The following RTN4 variants were observed in gnomAD, a reference collection of about 807,000 sequenced individuals.
RTN4 encodes the protein reticulon-4.
RTN4 carries 32 observed loss-of-function variants against 90.4 expected under a neutral mutation model. That is an observed-to-expected ratio of 0.35 (90% CI 0.27 to 0.48). RTN4 has a LOEUF of 0.48. RTN4 is among the 20% of genes least tolerant of loss of function. RTN4 has a pLI of 0.99. For synonymous variants in RTN4, 629 were observed against 552.5 expected (o/e 1.14, Z -1.94); for missense variants, 1,706 against 1,430.2 (o/e 1.19, Z -3.11).
chr2:54,987,785 ATAAAG>A, intron 3 of RTN4, 87 bp from the exon 4 acceptor site: 3 of 1,017,850 alleles, frequency 2.9e-6, no homozygotes, highest in Non-Finnish European at 4.4e-6. Context: ...ACGCTACTAC[ATAAAG>A]TAAAATCAAA....
intron 1 of RTN4, among the ~76,000 whole-genome samples, chr2:55,108,820 T>C (rs1667988554): frequency 6.6e-6 from 1 of 152,124 alleles, no homozygotes; most frequent in African/African-American, 2.4e-5. Context: ...CCAATTTCTA[T>C]GACTAAAATC....
At chr2:55,116,927 G>A (rs1475143599), upstream of RTN4, among the ~76,000 whole-genome samples, 1 of 136,842 alleles carries the variant, frequency 7.3e-6, no homozygotes, top group Non-Finnish European at 1.5e-5. Context: ...AGGCTGGAGT[G>A]CAGTGGTGCA....
chr2:54,980,318 C>G (rs1284359049), intron 5 of RTN4, among the ~76,000 whole-genome samples: 1 of 152,134 alleles, frequency 6.6e-6, no homozygotes, highest in Non-Finnish European at 1.5e-5. Flanking sequence ...CAGCCCCTTT[C>G]TAACATTTTC....
At chr2:55,053,293 T>TAACA (rs1054280922), upstream of RTN4, among the ~76,000 whole-genome samples, 1 of 152,204 alleles carries the variant, frequency 6.6e-6, no homozygotes, top group Non-Finnish European at 1.5e-5. Flanking sequence ...TCACTATCAC[T>TAACA]AACAAAATTC....
chr2:55,082,322 A>G (rs1668736515), intron 1 of RTN4, among the ~76,000 whole-genome samples: 1 of 152,192 alleles, frequency 6.6e-6, no homozygotes, highest in Non-Finnish European at 1.5e-5. Context: ...GTACTCAGAG[A>G]TTATATCACA....
rs200830017 is a variant in RTN4 at position 55,026,342 on chromosome 2, A to G, written c.1757T>C (p.Met586Thr). 1 of 1,613,866 alleles carries G rather than the reference A, an allele frequency of 6.2e-7. No individual in the cohort carries two copies. The highest frequency in any genetic ancestry group is 1.7e-5 in the Admixed American group (1 of 59,952). ...TGCTGCAGGATAGAGTGACTCTTGCATAACTTCTGATGTTTGAACCAAGTC... is the reference window on the plus strand; with the variant it reads ...TGCTGCAGGATAGAGTGACTCTTGCGTAACTTCTGATGTTTGAACCAAGTC... ...KMDLVQTSEV[M>T]QESLYPAAQL... Residue 586 changes from methionine (M) to threonine (T), a missense_variant, in exon 3 of 9, where the codon ATG (methionine) becomes ACG (threonine). By Grantham distance (81) the Met-to-Thr change is moderately conservative. Coordinates refer to ENST00000337526, the MANE Select transcript of RTN4 (RefSeq NM_020532.5).
rs1282710535 is a variant in RTN4, at chr2:55,025,263, A to G, written c.2836T>C (p.Ser946Pro). Residue 946 changes from serine (S) to proline (P), a missense_variant, in exon 3 of 9, where the codon TCA becomes CCA. Transcript: ENST00000337526. ...DDFSKNGSAT[S>P]KVLLLPPDVS... Reference sequence around the variant, plus strand: ...TCTGGAGGCAATAAGAGCACCTTTGATGTAGCAGACCCATTTTTAGAAAAG... The same window carrying G: ...TCTGGAGGCAATAAGAGCACCTTTGGTGTAGCAGACCCATTTTTAGAAAAG... The G allele has an allele frequency of 1.9e-6, 3 of 1,613,754 alleles. No individual in the cohort carries two copies. In the African/African-American group the frequency reaches 4.0e-5, roughly 22 times the overall value.
chr2:55,064,540 G>T (rs926196042), intron 2 of RTN4, among the ~76,000 whole-genome samples: 1 of 151,966 alleles, frequency 6.6e-6, no homozygotes, highest in African/African-American at 2.4e-5. Flanking sequence ...TAGCAGAGAT[G>T]GGGTTTCACC....
intron 3 of RTN4, chr2:55,014,541 C>T (rs1163471460): frequency 6.8e-6 from 1 of 147,222 alleles, no homozygotes; most frequent in African/African-American, 2.5e-5. Context: ...TTTTTGGAGA[C>T]AGAGTCTCGC....
At position 54,987,560 on chromosome 2, in the gene RTN4, G is replaced by C. The variant is rs1197407304; in HGVS notation, c.3152C>G (p.Thr1051Ser). ...ACCCTTGTATATCCTAAAGCTGATGGTCACAGAGAGCAGGGCCAAGGCAAT... is the reference window on the plus strand; with the variant it reads ...ACCCTTGTATATCCTAAAGCTGATGCTCACAGAGAGCAGGGCCAAGGCAAT... The part of the protein sequence containing the change: ...AYIALALLSV[T>S]ISFRIYKGVI... The change falls in exon 4 of 9, where the codon ACC (threonine) becomes AGC (serine). Residue 1051 changes from threonine (T) to serine (S), a missense_variant. By Grantham distance (58) the Thr-to-Ser change is moderately conservative. Coordinates refer to ENST00000337526, the MANE Select transcript of RTN4 (RefSeq NM_020532.5). 2 of 1,614,034 alleles carry C rather than the reference G, an allele frequency of 1.2e-6. No individual in the cohort carries two copies. The highest frequency in any genetic ancestry group is 1.7e-6 in the Non-Finnish European group (2 of 1,180,030).
At chr2:55,058,889 TAGAG>T (rs1244061173) in intron 2 of RTN4, among the ~76,000 whole-genome samples, 1 of 152,002 alleles carries the variant, frequency 6.6e-6, no homozygotes, top group Non-Finnish European at 1.5e-5. Flanking sequence ...ATTATAATAA[TAGAG>T]AGGAGGGTCT....
chr2:55,090,439 G>C (rs1668916088), intron 1 of RTN4, among the ~76,000 whole-genome samples: 1 of 152,194 alleles, frequency 6.6e-6, no homozygotes, highest in Non-Finnish European at 1.5e-5. Context: ...TAGAGAAAGT[G>C]GCTGAATTTC....
intron 2 of RTN4, among the ~76,000 whole-genome samples, chr2:55,059,477 C>A (rs1047434614): frequency 6.6e-6 from 1 of 152,046 alleles, no homozygotes; most frequent in African/African-American, 2.4e-5. Context: ...CCTCAGCCTC[C>A]GGAGTAGATG....
chr2:55,007,155 T>G (rs1680286992), intron 3 of RTN4, among the ~76,000 whole-genome samples: 1 of 152,156 alleles, frequency 6.6e-6, no homozygotes, highest in Admixed American at 6.6e-5. Flanking sequence ...TGTTGCCCCT[T>G]GAGTCTTTAC....
chr2:55,087,425 A>G (rs1668861468), intron 1 of RTN4, among the ~76,000 whole-genome samples: 1 of 152,196 alleles, frequency 6.6e-6, no homozygotes, highest in Non-Finnish European at 1.5e-5. Context: ...ATATTCATAC[A>G]ATGTATAACA....
chr2:54,986,254 A>G (rs1010116526), intron 4 of RTN4, among the ~76,000 whole-genome samples: 2 of 152,212 alleles, frequency 1.3e-5, no homozygotes, highest in African/African-American at 2.4e-5. Flanking sequence ...ATCGGACATC[A>G]TCTGTAAGAA....
intron 1 of RTN4, among the ~76,000 whole-genome samples, chr2:55,093,853 G>C (rs934135605): frequency 2.0e-5 from 3 of 152,160 alleles, no homozygotes; most frequent in Non-Finnish European, 4.4e-5. Context: ...TACTTGAATG[G>C]TTTGCTTTTT....
chr2:54,988,232 G>A (rs1678726716), intron 3 of RTN4, among the ~76,000 whole-genome samples: 3 of 152,130 alleles, frequency 2.0e-5, no homozygotes, highest in African/African-American at 4.8e-5. Context: ...CAAGAGAATC[G>A]CTTGAACCCG....
chr2:55,087,018 C>A (rs1668854168), intron 1 of RTN4, among the ~76,000 whole-genome samples: 2 of 152,028 alleles, frequency 1.3e-5, no homozygotes, highest in Admixed American at 6.6e-5. Context: ...ATCTGGGCTC[C>A]TTTGCTCTAT....
Sources: allele counts gnomAD v4.1 joint callset (sites outside exome capture counted in the v4.1 genomes callset), GRCh38; gene constraint gnomAD v4.1.1; transcripts MANE v1.5; gene names NCBI Gene and HGNC (gene_info 2026-07-23, HGNC 2026-07-21).